The following EYS variants were observed in gnomAD, a reference collection of about 807,000 sequenced individuals.
EYS encodes EGF-like photoreceptor maintenance factor.
EYS carries 250 observed loss-of-function variants against 282.1 expected under a neutral mutation model. That is an observed-to-expected ratio of 0.89 (90% CI 0.80 to 0.98). The LOEUF (loss-of-function observed/expected upper bound fraction) is 0.98. Among genes scored for constraint, EYS ranks in the 50% least tolerant of loss-of-function variants. The pLI, the probability that EYS is intolerant of heterozygous loss-of-function variation, is 0.00. For synonymous variants in EYS, 1,355 were observed against 1,282.9 expected, an observed-to-expected ratio of 1.06 and a Z score of -1.20; for missense variants, 4,016 against 3,709.0, an observed-to-expected ratio of 1.08 and a Z score of -2.15.
chr6:65,069,595 G>A (rs1287999556), intron 12 of EYS, among the ~76,000 whole-genome samples: 1 of 151,842 alleles, frequency 6.6e-6, no homozygotes, highest in Non-Finnish European at 1.5e-5. Flanking sequence ...TGTGTCTCTC[G>A]ATGTAGCTTC....
At chr6:64,821,399 C>T (rs1015508080) in intron 21 of EYS, among the ~76,000 whole-genome samples, 5 of 151,238 alleles carry the variant, frequency 3.3e-5, no homozygotes, top group Non-Finnish European at 7.4e-5. Context: ...GGGCGGTCGG[C>T]GGGAGGGAGG....
chr6:64,441,050 A>G (rs1290429169), intron 26 of EYS, among the ~76,000 whole-genome samples: 1 of 152,164 alleles, frequency 6.6e-6, no homozygotes, highest in East Asian at 1.9e-4. Flanking sequence ...AAGAATGGTA[A>G]AATCATTGAT....
At chr6:64,390,176 A>T (rs1170088951) in intron 28 of EYS, among the ~76,000 whole-genome samples, 1 of 152,140 alleles carries the variant, frequency 6.6e-6, no homozygotes, top group Admixed American at 6.6e-5. Flanking sequence ...TCAAACTGCA[A>T]GGAGGCAGCG....
intron 13 of EYS, among the ~76,000 whole-genome samples, chr6:65,033,574 G>T (rs578249373): frequency 6.6e-6 from 1 of 152,134 alleles, no homozygotes; most frequent in Non-Finnish European, 1.5e-5. Context: ...TCTGGAGAAT[G>T]CAAGTCAAAA....
At chr6:63,879,469 T>A (rs1773070559) in intron 35 of EYS, among the ~76,000 whole-genome samples, 1 of 152,180 alleles carries the variant, frequency 6.6e-6, no homozygotes, top group Non-Finnish European at 1.5e-5. Flanking sequence ...AGCAGCTACT[T>A]ACATATCAAC....
At chr6:64,377,204 A>G (rs1431667338) in intron 29 of EYS, among the ~76,000 whole-genome samples, 1 of 152,174 alleles carries the variant, frequency 6.6e-6, no homozygotes, top group African/African-American at 2.4e-5. Context: ...AAAGCATACT[A>G]ATGAATTAAG....
At chr6:65,437,656 T>C (rs1055222990) in intron 5 of EYS, among the ~76,000 whole-genome samples, 2 of 152,186 alleles carry the variant, frequency 1.3e-5, no homozygotes, top group Non-Finnish European at 2.9e-5. Flanking sequence ...AAGAATCTTC[T>C]TTAAGAAACT....
At chr6:63,853,822 T>C (rs1451155590) in intron 36 of EYS, among the ~76,000 whole-genome samples, 2 of 152,118 alleles carry the variant, frequency 1.3e-5, no homozygotes, top group African/African-American at 2.4e-5. Context: ...GCCTCAGATA[T>C]TACACCACAG....
At chr6:64,697,833 T>G (rs1350659005) in intron 22 of EYS, among the ~76,000 whole-genome samples, 2 of 152,078 alleles carry the variant, frequency 1.3e-5, no homozygotes, top group African/African-American at 4.8e-5. Flanking sequence ...TCCCAGCTAC[T>G]CAGGCGGCTG....
At chr6:65,297,925 T>A (rs564554274) in intron 11 of EYS, among the ~76,000 whole-genome samples, 62 of 152,164 alleles carry the variant, frequency 4.1e-4, no homozygotes, top group African/African-American at 1.4e-3. Flanking sequence ...CTTTTAACAG[T>A]GTTCTGATTG....
intron 28 of EYS, among the ~76,000 whole-genome samples, chr6:64,420,771 T>C (rs1455227863): frequency 6.6e-6 from 1 of 152,220 alleles, no homozygotes; most frequent in African/African-American, 2.4e-5. Flanking sequence ...GTCTCCTTGA[T>C]AAAGCATAGC....
At chr6:65,058,877 A>G (rs183672481) in intron 12 of EYS, among the ~76,000 whole-genome samples, 78 of 152,224 alleles carry the variant, frequency 5.1e-4, no homozygotes, top group African/African-American at 1.7e-3. Context: ...CATTGACACA[A>G]TGCAAATTAT....
chr6:64,347,603 A>AC (rs398110197), intron 29 of EYS, among the ~76,000 whole-genome samples: 1 of 149,624 alleles, frequency 6.7e-6, no homozygotes, highest in Non-Finnish European at 1.5e-5. Flanking sequence ...AGAAAAAAAA[A>AC]CTCTTACTAT....
In EYS at chr6:64,345,686, C is replaced by A. The variant is rs1235314359; in HGVS notation, c.6079-38604G>T. ...ACACCAAAAGCAATGGCAACAAAAGCCAAAAGTGACAAATGGGATCTAATT... is the reference window on the plus strand; with the variant it reads ...ACACCAAAAGCAATGGCAACAAAAGACAAAAGTGACAAATGGGATCTAATT... On this transcript the variant is annotated intron_variant, in intron 29 of 42. Coordinates refer to ENST00000503581, the MANE Select transcript of EYS (RefSeq NM_001142800.2). Among the ~76,000 whole-genome samples the A allele has an allele frequency of 2.6e-5, 4 of 151,950 alleles. No individual in the cohort carries two copies. The East Asian group carries it at 5.8e-4, about 22-fold the overall frequency.
intron 26 of EYS, among the ~76,000 whole-genome samples, chr6:64,502,148 T>G (rs1241212902): frequency 6.6e-6 from 1 of 152,188 alleles, no homozygotes; most frequent in East Asian, 1.9e-4. Flanking sequence ...TCCCTTATAG[T>G]GAGGGTGGGT....
chr6:64,502,561 C>T (rs3846797), intron 26 of EYS, among the ~76,000 whole-genome samples: 39,235 of 152,058 alleles, frequency 0.26, 5,567 homozygotes, highest in East Asian at 0.36. Context: ...TCAATTTATT[C>T]TATGTTAGCA....
intron 12 of EYS, among the ~76,000 whole-genome samples, chr6:65,077,792 A>C (rs1468068188): frequency 6.6e-6 from 1 of 152,132 alleles, no homozygotes; most frequent in Non-Finnish European, 1.5e-5. Flanking sequence ...TCTTAAAAGT[A>C]AGATGTCTAT....
At chr6:64,961,298 CA>C (rs1292571419) in intron 14 of EYS, among the ~76,000 whole-genome samples, 2 of 152,000 alleles carry the variant, frequency 1.3e-5, no homozygotes, top group African/African-American at 4.8e-5. Context: ...ACGTGTTTCC[CA>C]AAGGAACATT....
At chr6:65,333,249 C>A (rs1769861499) in intron 11 of EYS, among the ~76,000 whole-genome samples, 1 of 151,484 alleles carries the variant, frequency 6.6e-6, no homozygotes, top group South Asian at 2.1e-4. Flanking sequence ...TTTCAATAAT[C>A]TCAAAGTCTT....
Sources: gnomAD v4.1 joint callset for allele counts (sites outside exome capture counted in the v4.1 genomes callset) on GRCh38, gnomAD v4.1.1 for gene constraint, MANE v1.5 for transcripts, NCBI Gene and HGNC (gene_info 2026-07-23, HGNC 2026-07-21) for gene names.